LRRC1: variants seen among roughly 807,000 people sequenced by gnomAD.
The protein encoded by LRRC1 is leucine rich repeat containing 1, also known as leucine-rich repeat-containing protein 1.
In LRRC1, 28 loss-of-function variants were observed where a neutral mutation model predicts 69.9. That is an observed-to-expected ratio of 0.40 (90% CI 0.30 to 0.55). The LOEUF is 0.55. LRRC1 is among the 20% of genes least tolerant of loss of function. The probability of loss-of-function intolerance (pLI) is 0.47; values close to 1 mark genes in which losing one functional copy is unlikely to be tolerated. For missense variants in LRRC1, 498 were observed against 609.0 expected, an observed-to-expected ratio of 0.82 and a Z score of 1.92; for synonymous variants, 236 against 240.2, an observed-to-expected ratio of 0.98 and a Z score of 0.16.
intron 4 of LRRC1, among the ~76,000 whole-genome samples, chr6:53,885,677 T>A (rs1767450031): frequency 6.6e-6 from 1 of 152,166 alleles, no homozygotes; most frequent in Non-Finnish European, 1.5e-5. Context: ...AAGCTATGGA[T>A]GTCTCAAGGA....
At position 53,912,404 on chromosome 6, in the gene LRRC1, A is replaced by G. The variant is rs1768441548; in HGVS notation, c.991-1450A>G. On this transcript the variant is annotated intron_variant, in intron 10 of 13. Transcript: ENST00000370888. Reference sequence around the variant, plus strand: ...TATAAAAAACAATGGGATCAAAAATATAAAAATGTATTTAGGGTATAATGA... The same window carrying G: ...TATAAAAAACAATGGGATCAAAAATGTAAAAATGTATTTAGGGTATAATGA... 2.6e-5 allele frequency among the ~76,000 whole-genome samples: 4 copies of G among 152,258 alleles called. No individual in the cohort carries two copies. The South Asian group carries it at 8.3e-4, about 31-fold the overall frequency.
intron 1 of LRRC1, among the ~76,000 whole-genome samples, chr6:53,840,317 C>G (rs1253637102): frequency 6.6e-6 from 1 of 152,140 alleles, no homozygotes; most frequent in Non-Finnish European, 1.5e-5. Context: ...TTATTGCCCT[C>G]TTACTTTCAA....
intron 1 of LRRC1, among the ~76,000 whole-genome samples, chr6:53,799,522 C>A (rs1269638196): frequency 6.6e-6 from 1 of 152,218 alleles, no homozygotes; most frequent in East Asian, 1.9e-4. Context: ...GACACAAAGT[C>A]TTCTTTCAGA....
intron 1 of LRRC1, among the ~76,000 whole-genome samples, chr6:53,797,510 CTT>C (rs1764336520): frequency 6.6e-6 from 1 of 152,130 alleles, no homozygotes; most frequent in Non-Finnish European, 1.5e-5. Context: ...ATCTGTATAA[CTT>C]ATTACCACTG....
intron 13 of LRRC1, 70 bp from the exon 14 acceptor site, chr6:53,922,565 C>A: frequency 7.2e-7 from 1 of 1,389,342 alleles, no homozygotes; most frequent in Non-Finnish European, 9.9e-7. Context: ...ATGCTAATGC[C>A]TTGAAGCTGC....
At chr6:53,804,307 G>T (rs1452462220) in intron 1 of LRRC1, among the ~76,000 whole-genome samples, 1 of 151,982 alleles carries the variant, frequency 6.6e-6, no homozygotes, top group East Asian at 1.9e-4. Flanking sequence ...ATAGTGTTTT[G>T]ATACATGTGT....
chr6:53,855,558 G>C (rs544170055), intron 2 of LRRC1, among the ~76,000 whole-genome samples: 1 of 152,286 alleles, frequency 6.6e-6, no homozygotes, highest in South Asian at 2.1e-4. Context: ...GGACCTGAGG[G>C]AGTCTTTGGA....
intron 2 of LRRC1, among the ~76,000 whole-genome samples, chr6:53,868,890 G>T (rs911144135): frequency 6.6e-6 from 1 of 152,080 alleles, no homozygotes; most frequent in Non-Finnish European, 1.5e-5. Context: ...CTTCTCCTTT[G>T]CTCTTATTTA....
At chr6:53,921,536 C>A (rs1768743162) in intron 13 of LRRC1, among the ~76,000 whole-genome samples, 1 of 152,092 alleles carries the variant, frequency 6.6e-6, no homozygotes, top group Admixed American at 6.5e-5. Flanking sequence ...AGTTTTTGTT[C>A]AGAAATTGGA....
chr6:53,907,683 A>T (rs928858265), intron 10 of LRRC1, among the ~76,000 whole-genome samples: 1 of 149,840 alleles, frequency 6.7e-6, no homozygotes, highest in Non-Finnish European at 1.5e-5. Flanking sequence ...ACATTGGCTG[A>T]CTGCTTTGTG....
At chr6:53,818,657 G>T (rs899800540) in intron 1 of LRRC1, among the ~76,000 whole-genome samples, 2 of 152,194 alleles carry the variant, frequency 1.3e-5, no homozygotes, top group African/African-American at 4.8e-5. Context: ...AATGGTATGA[G>T]CATGGAGAAA....
intron 3 of LRRC1, among the ~76,000 whole-genome samples, chr6:53,879,963 G>T (rs1017889109): frequency 1.3e-5 from 2 of 152,278 alleles, no homozygotes; most frequent in East Asian, 3.9e-4. Context: ...TTTGGGCCAG[G>T]TGGGTCCATT....
At chr6:53,913,147 G>T (rs571085914) in intron 10 of LRRC1, among the ~76,000 whole-genome samples, 55 of 152,028 alleles carry the variant, frequency 3.6e-4, no homozygotes, top group Non-Finnish European at 7.1e-4. Flanking sequence ...GTGGATGGAG[G>T]TGTTGATTTG....
At chr6:53,864,477 C>T (rs931461993) in intron 2 of LRRC1, among the ~76,000 whole-genome samples, 8 of 152,148 alleles carry the variant, frequency 5.3e-5, no homozygotes, top group Non-Finnish European at 1.2e-4. Context: ...GACCCTCAAC[C>T]GCTACTTTGC....
intron 4 of LRRC1, among the ~76,000 whole-genome samples, chr6:53,891,271 G>A (rs1767671031): frequency 6.6e-6 from 1 of 151,902 alleles, no homozygotes; most frequent in Non-Finnish European, 1.5e-5. Flanking sequence ...TTTTTTGGTA[G>A]GAGGAGGAAG....
chr6:53,797,219 C>T lies in LRRC1; in HGVS notation c.159+1804C>T, dbSNP rs118112171. 1.9e-3 allele frequency among the ~76,000 whole-genome samples: 295 copies of T among 152,144 alleles called. 4 individuals are homozygous for T. The East Asian group carries it at 0.04, about 21-fold the overall frequency. On this transcript the variant is annotated intron_variant, in intron 1 of 13. Coordinates refer to ENST00000370888, the MANE Select transcript of LRRC1 (RefSeq NM_018214.5). ...TCTGTGATCCTAAATGGAAACTTGTCAGAATCTCAAAATATAGTCTGATGG... is the reference window on the plus strand; with the variant it reads ...TCTGTGATCCTAAATGGAAACTTGTTAGAATCTCAAAATATAGTCTGATGG...
At chr6:53,879,282 T>C (rs1430499514) in intron 3 of LRRC1, among the ~76,000 whole-genome samples, 2 of 152,186 alleles carry the variant, frequency 1.3e-5, no homozygotes, top group African/African-American at 4.8e-5. Context: ...CAAAGTATGT[T>C]GTAGGGATAA....
chr6:53,796,276 T>C (rs536622526), intron 1 of LRRC1, among the ~76,000 whole-genome samples: 1 of 152,370 alleles, frequency 6.6e-6, no homozygotes, highest in East Asian at 1.9e-4. Context: ...CGACATGTGC[T>C]GATGGTGCTT....
chr6:53,892,918 A>G (rs1306173339), intron 4 of LRRC1, among the ~76,000 whole-genome samples: 1 of 152,348 alleles, frequency 6.6e-6, no homozygotes, highest in East Asian at 1.9e-4. Flanking sequence ...GTTTGGGCTC[A>G]TACAGGAGGT....
Sources: gnomAD v4.1 joint callset for allele counts (sites outside exome capture counted in the v4.1 genomes callset) on GRCh38, gnomAD v4.1.1 for gene constraint, MANE v1.5 for transcripts, NCBI Gene and HGNC (gene_info 2026-07-23, HGNC 2026-07-21) for gene names.